The following MDGA2 variants were observed in gnomAD, a reference collection of about 807,000 sequenced individuals.
MDGA2 encodes the protein MAM domain-containing glycosylphosphatidylinositol anchor protein 2.
In MDGA2, 40 loss-of-function variants were observed where a neutral mutation model predicts 117.8. The ratio of observed to expected loss-of-function variants is 0.34; its 90% CI spans 0.26 to 0.44. The LOEUF is 0.44. Among genes scored for constraint, MDGA2 ranks in the 20% least tolerant of loss-of-function variants. The pLI is 1.00. For synonymous variants in MDGA2, 452 were observed against 439.0 expected (o/e 1.03, Z -0.37); for missense variants, 1,123 against 1,250.6 (o/e 0.90, Z 1.54).
chr14:47,144,037 C>A, intron 4 of MDGA2, 41 bp downstream of exon 4: 1 of 1,400,720 alleles, frequency 7.1e-7, no homozygotes, highest in East Asian at 2.6e-5. Flanking sequence ...AGGAAAGTAT[C>A]CTAGCAGAGT....
chr14:47,425,492 G>C (rs1892668724), intron 1 of MDGA2, among the ~76,000 whole-genome samples: 1 of 152,100 alleles, frequency 6.6e-6, no homozygotes, highest in Non-Finnish European at 1.5e-5. Context: ...TAAATGTCTA[G>C]GAGTAAAGGA....
chr14:47,555,189 A>T (rs1302983147), intron 1 of MDGA2, among the ~76,000 whole-genome samples: 1 of 152,168 alleles, frequency 6.6e-6, no homozygotes, highest in East Asian at 1.9e-4. Context: ...TATCTCTCCA[A>T]TATTTTTAAC....
intron 9 of MDGA2, among the ~76,000 whole-genome samples, chr14:46,948,916 A>G (rs937409230): frequency 6.6e-6 from 1 of 152,042 alleles, no homozygotes; most frequent in African/African-American, 2.4e-5. Flanking sequence ...CTCTGACATC[A>G]GTCATCCTCT....
At chr14:47,395,097 G>C (rs113546881) in intron 1 of MDGA2, among the ~76,000 whole-genome samples, 102 of 152,292 alleles carry the variant, frequency 6.7e-4, no homozygotes, top group African/African-American at 2.3e-3. Context: ...CGAGGATGCA[G>C]TGAGCTATAA....
intron 5 of MDGA2, among the ~76,000 whole-genome samples, chr14:47,108,897 G>A (rs1273191571): frequency 6.6e-6 from 1 of 152,194 alleles, no homozygotes; most frequent in African/African-American, 2.4e-5. Context: ...AATAGTTGGG[G>A]TACTAATACC....
intron 3 of MDGA2, among the ~76,000 whole-genome samples, chr14:47,164,524 G>A (rs1883780310): frequency 6.6e-6 from 1 of 152,210 alleles, no homozygotes; most frequent in South Asian, 2.1e-4. Context: ...CTGGCCATCA[G>A]AGAAATGCAA....
At chr14:47,350,616 T>C (rs1009796068) in intron 1 of MDGA2, among the ~76,000 whole-genome samples, 15 of 152,172 alleles carry the variant, frequency 9.9e-5, no homozygotes, top group Non-Finnish European at 2.1e-4. Context: ...TAAGACAATA[T>C]AAATAATTGA....
intron 7 of MDGA2, chr14:47,059,333 G>T: frequency 7.8e-7 from 1 of 1,275,266 alleles, no homozygotes; most frequent in Non-Finnish European, 1.0e-6. Flanking sequence ...TCCAGGGGTA[G>T]TGTTTTGGAA....
intron 1 of MDGA2, among the ~76,000 whole-genome samples, chr14:47,579,589 A>G (rs2138837338): frequency 2.0e-5 from 3 of 152,196 alleles, no homozygotes; most frequent in Middle Eastern, 6.8e-3. Context: ...AAATCCCATA[A>G]TATATCTTAA....
intron 1 of MDGA2, among the ~76,000 whole-genome samples, chr14:47,523,517 C>G (rs746903203): frequency 3.9e-5 from 6 of 152,092 alleles, no homozygotes; most frequent in Non-Finnish European, 7.3e-5. Context: ...ATTCAGAATA[C>G]TTAGAGGTTA....
chr14:47,120,966 CA>C (rs971652505), intron 5 of MDGA2, among the ~76,000 whole-genome samples: 6 of 152,076 alleles, frequency 3.9e-5, no homozygotes, highest in African/African-American at 1.4e-4. Context: ...TTAGCTATAC[CA>C]CATTATTAAA....
At chr14:47,481,305 T>C (rs1200664214) in intron 1 of MDGA2, among the ~76,000 whole-genome samples, 1 of 151,988 alleles carries the variant, frequency 6.6e-6, no homozygotes, top group Non-Finnish European at 1.5e-5. Context: ...TCTAACTGAG[T>C]AGACTATCAG....
At chr14:47,478,297 T>C (rs1403449464) in intron 1 of MDGA2, among the ~76,000 whole-genome samples, 2 of 152,166 alleles carry the variant, frequency 1.3e-5, no homozygotes, top group African/African-American at 4.8e-5. Flanking sequence ...AAAGAACACA[T>C]TGATGGCCAA....
At chr14:46,856,938 C>T (rs1208522421) in intron 14 of MDGA2, among the ~76,000 whole-genome samples, 1 of 152,096 alleles carries the variant, frequency 6.6e-6, no homozygotes, top group Non-Finnish European at 1.5e-5. Context: ...TTCATATCTA[C>T]AAGTCATAAT....
intron 1 of MDGA2, among the ~76,000 whole-genome samples, chr14:47,553,149 T>C (rs2138782059): frequency 6.6e-6 from 1 of 152,374 alleles, no homozygotes; most frequent in South Asian, 2.1e-4. Context: ...ATTTATTTTA[T>C]CTATACATTT....
chr14:46,940,111 T>C (rs1008278965), intron 9 of MDGA2, among the ~76,000 whole-genome samples: 7 of 151,980 alleles, frequency 4.6e-5, no homozygotes, highest in East Asian at 1.9e-4. Flanking sequence ...TCTGTGAGTA[T>C]GGAAACTTAA....
intron 5 of MDGA2, among the ~76,000 whole-genome samples, chr14:47,111,592 G>A (rs12323512): frequency 0.38 from 58,432 of 151,922 alleles, 11,356 homozygotes; most frequent in South Asian, 0.54. Context: ...AGGTTCTTAA[G>A]CCATTGCTCT....
At chr14:47,573,013 T>A (rs1395226106) in intron 1 of MDGA2, among the ~76,000 whole-genome samples, 1 of 152,152 alleles carries the variant, frequency 6.6e-6, no homozygotes, top group Non-Finnish European at 1.5e-5. Context: ...AAACAGACAA[T>A]CTAATTCATT....
intron 3 of MDGA2, among the ~76,000 whole-genome samples, chr14:47,210,889 G>GA (rs201295396): frequency 0.011 from 1,606 of 152,172 alleles, 37 homozygotes; most frequent in African/African-American, 0.036. Flanking sequence ...GAGCCTGAGG[G>GA]GGAGGATCCC....
Sources: allele counts gnomAD v4.1 joint callset (sites outside exome capture counted in the v4.1 genomes callset), GRCh38; gene constraint gnomAD v4.1.1; transcripts MANE v1.5; gene names NCBI Gene and HGNC (gene_info 2026-07-23, HGNC 2026-07-21).